The following ZDHHC7 variants were observed in gnomAD, a reference collection of about 807,000 sequenced individuals.
ZDHHC7 encodes zDHHC palmitoyltransferase 7, also known as palmitoyltransferase ZDHHC7.
Under a neutral mutation model 34.1 loss-of-function variants are expected in ZDHHC7, and 12 were observed. That is an observed-to-expected ratio of 0.35 (90% confidence interval 0.23 to 0.57). The LOEUF (loss-of-function observed/expected upper bound fraction) is 0.57, where lower values mean the gene tolerates loss of function less well. Among genes scored for constraint, ZDHHC7 ranks in the 20% least tolerant of loss-of-function variants. The pLI, the probability that ZDHHC7 is intolerant of heterozygous loss-of-function variation, is 0.84. For missense variants in ZDHHC7, 388 were observed against 402.7 expected (o/e 0.96, Z 0.31); for synonymous variants, 185 against 155.4 (o/e 1.19, Z -1.42).
chr16:84,984,956 C>G (rs1032698342), intron 3 of ZDHHC7, among the ~76,000 whole-genome samples: 2 of 152,244 alleles, frequency 1.3e-5, no homozygotes, highest in Non-Finnish European at 2.9e-5. Context: ...ACCGTTTCCT[C>G]TGCACCCATG....
In ZDHHC7 at chr16:84,981,909, T is replaced by G. The variant is rs1158959377; in HGVS notation, c.401A>C (p.Lys134Thr). 2 of 1,614,186 alleles carry G rather than the reference T, an allele frequency of 1.2e-6. No individual in the cohort carries two copies. Among genetic ancestry groups the G allele is most frequent in the Non-Finnish European group, 1.7e-6 (2 of 1,180,026 alleles). Residue 134 changes from lysine to threonine, a missense_variant, in exon 4 of 8, where the codon AAG (lysine) becomes ACG (threonine). Transcript: ENST00000313732. Reference sequence around the variant, plus strand: ...GCGCTCGGGTTTAATACAGCAGCACTTGGGGCACTTGTAGATGACTTCCCC... The same window carrying G: ...GCGCTCGGGTTTAATACAGCAGCACGTGGGGCACTTGTAGATGACTTCCCC... ...KPGEVIYKCP[K>T]CCCIKPERAH...
In ZDHHC7 at chr16:84,981,903, C is replaced by T; in HGVS notation, c.407G>A (p.Cys136Tyr). Residue 136 changes from cysteine to tyrosine, a missense_variant, in exon 4 of 8, where the codon TGC (cysteine) becomes TAC (tyrosine). Cys to Tyr is a radical substitution (Grantham distance 194). Transcript: ENST00000313732. ...GTGGGCGCGCTCGGGTTTAATACAGCAGCACTTGGGGCACTTGTAGATGAC... is the reference window on the plus strand; with the variant it reads ...GTGGGCGCGCTCGGGTTTAATACAGTAGCACTTGGGGCACTTGTAGATGAC... ...GEVIYKCPKC[C>Y]CIKPERAHHC... 1 of 1,614,216 alleles carries T rather than the reference C, an allele frequency of 6.2e-7. No homozygotes were observed. The highest frequency in any genetic ancestry group is 8.5e-7 in the Non-Finnish European group (1 of 1,180,036).
intron 1 of ZDHHC7, among the ~76,000 whole-genome samples, chr16:85,009,486 C>T (rs2072760210): frequency 6.6e-6 from 1 of 150,862 alleles, no homozygotes; most frequent in Non-Finnish European, 1.5e-5. Flanking sequence ...AGGCTCTGAG[C>T]CAATGGTAGC....
rs1438547411 is a variant in ZDHHC7 at position 84,976,078 on chromosome 16, C to A, written c.*265G>T. On this transcript the variant is annotated 3_prime_UTR_variant, in exon 8 of 8. Transcript: ENST00000313732. Reference sequence around the variant, plus strand: ...CCATGTAATAACCCGAAGTATTCTCCACAGAAGCCCCAGCTCTGCAGGAGG... The same window carrying A: ...CCATGTAATAACCCGAAGTATTCTCAACAGAAGCCCCAGCTCTGCAGGAGG... 2.1e-6 allele frequency: 1 copy of A among 484,186 alleles called. No homozygotes were observed. Among genetic ancestry groups the A allele is most frequent in the Non-Finnish European group, 3.6e-6 (1 of 275,360 alleles). 30.0% of individuals were successfully genotyped at this position (484,186 alleles called of 1,614,324 possible).
At chr16:85,013,524 T>C (rs2072821136), upstream of ZDHHC7, among the ~76,000 whole-genome samples, 1 of 151,998 alleles carries the variant, frequency 6.6e-6, no homozygotes, top group Non-Finnish European at 1.5e-5. Context: ...ATTGTAGGCA[T>C]GAGCCACCAC....
At chr16:84,996,176 C>G (rs529190942) in intron 1 of ZDHHC7, among the ~76,000 whole-genome samples, 169 bp from the exon 2 acceptor site, 1 of 152,146 alleles carries the variant, frequency 6.6e-6, no homozygotes, top group Non-Finnish European at 1.5e-5. Flanking sequence ...GTTTTGATTA[C>G]TAGGTAAATT....
chr16:84,985,194 G>T (rs924883740), intron 3 of ZDHHC7, among the ~76,000 whole-genome samples: 2 of 152,194 alleles, frequency 1.3e-5, no homozygotes, highest in African/African-American at 4.8e-5. Flanking sequence ...CTGATTGGCT[G>T]TTCCCTCTTC....
chr16:85,010,791 A>C (rs2072780717), intron 1 of ZDHHC7, among the ~76,000 whole-genome samples: 1 of 152,222 alleles, frequency 6.6e-6, no homozygotes, highest in Admixed American at 6.5e-5. Context: ...CTAACACCCA[A>C]AGATGACTGA....
chr16:85,021,649 C>T, the ZDHHC7 span, among the ~76,000 whole-genome samples: 36,236 of 151,694 alleles, frequency 0.24, 4,498 homozygotes, highest in South Asian at 0.32. Context: ...ACCCAAGAGA[C>T]GGAGGTTGCA....
At chr16:85,009,333 A>T (rs545738911) in intron 1 of ZDHHC7, among the ~76,000 whole-genome samples, 70 of 152,180 alleles carry the variant, frequency 4.6e-4, no homozygotes, top group Middle Eastern at 3.4e-3. Flanking sequence ...TCTTATATAA[A>T]GTTCATTTCA....
At chr16:84,998,285 G>T (rs1050918885) in intron 1 of ZDHHC7, among the ~76,000 whole-genome samples, 1 of 150,940 alleles carries the variant, frequency 6.6e-6, no homozygotes. Flanking sequence ...AAAATTAGAA[G>T]ATCGGGTCAG....
chr16:84,996,132 A>G (rs2072573972), intron 1 of ZDHHC7, 125 bp from the exon 2 acceptor site: 1 of 152,246 alleles, frequency 6.6e-6, no homozygotes, highest in South Asian at 2.1e-4. Context: ...GTCACTCAGA[A>G]CTATCCTTAA....
intron 6 of ZDHHC7, 153 bp from the exon 7 acceptor site, chr16:84,977,378 G>A (rs2072312091): frequency 3.1e-6 from 3 of 960,858 alleles, no homozygotes; most frequent in Non-Finnish European, 4.5e-6. Context: ...TGTTCTCCAA[G>A]GAGCAGAGGA....
chr16:84,977,874 T>A (rs8045409), intron 6 of ZDHHC7, 50 bp downstream of exon 6: 51 of 1,449,484 alleles, frequency 3.5e-5, no homozygotes, highest in Non-Finnish European at 4.4e-5. Flanking sequence ...TCCCCTTTCA[T>A]CCAATAACAG....
At chr16:84,989,487 G>A (rs1484118337) in intron 3 of ZDHHC7, among the ~76,000 whole-genome samples, 2 of 152,100 alleles carry the variant, frequency 1.3e-5, no homozygotes, top group Non-Finnish European at 2.9e-5. Context: ...CCTGAGGTCA[G>A]GAGTTCAAGA....
chr16:85,024,011 G>A, the ZDHHC7 span, among the ~76,000 whole-genome samples: 4 of 151,320 alleles, frequency 2.6e-5, no homozygotes, highest in East Asian at 2.0e-4. Flanking sequence ...TCCACCTCCC[G>A]GGTTCAAGCA....
the ZDHHC7 span, among the ~76,000 whole-genome samples, chr16:85,023,926 AT>A: frequency 6.7e-6 from 1 of 149,728 alleles, no homozygotes; most frequent in African/African-American, 2.5e-5. Flanking sequence ...TATTCAAAGT[AT>A]TTTTTTTTGA....
At chr16:84,977,597 C>T (rs536210201) in intron 6 of ZDHHC7, among the ~76,000 whole-genome samples, 1 of 152,306 alleles carries the variant, frequency 6.6e-6, no homozygotes, top group South Asian at 2.1e-4. Context: ...ATGAGCCTGT[C>T]CAGACCTCAC....
At chr16:85,012,395 AG>A, upstream of ZDHHC7, among the ~76,000 whole-genome samples, 1 of 151,378 alleles carries the variant, frequency 6.6e-6, no homozygotes, top group Non-Finnish European at 1.5e-5. Context: ...AAAAAAAAAA[AG>A]CATATCTTTT....
Sources: allele counts gnomAD v4.1 joint callset (sites outside exome capture counted in the v4.1 genomes callset), GRCh38; gene constraint gnomAD v4.1.1; transcripts MANE v1.5; gene names NCBI Gene and HGNC (gene_info 2026-07-23, HGNC 2026-07-21).